Variants in ZNF536 observed in about 807,000 individuals in gnomAD.
ZNF536 encodes zinc finger protein 536.
ZNF536 carries 13 observed loss-of-function variants against 84.5 expected under a neutral mutation model. The observed-to-expected ratio is 0.15, with a 90% CI of 0.10 to 0.24. The LOEUF is 0.24. Ranked by LOEUF, ZNF536 falls within the 10% of genes least tolerant of loss-of-function variation. The pLI, the probability that ZNF536 is intolerant of heterozygous loss-of-function variation, is 1.00. For synonymous variants in ZNF536, 811 were observed against 742.5 expected (o/e 1.09, Z -1.50); for missense variants, 1,536 against 1,747.5 (o/e 0.88, Z 2.16).
rs1041427037 is a variant in ZNF536, at chr19:30,575,489, G to A, written c.169+25975G>A. Among the ~76,000 whole-genome samples, 3 of 152,246 alleles carry A rather than the reference G, an allele frequency of 2.0e-5. No homozygotes were observed. In the East Asian group the frequency reaches 5.8e-4, roughly 29 times the overall value. Reference sequence around the variant, plus strand: ...CAGCAAGAGGAGCGAGACTGAGGGAGTAGCGACATCTGTCTTGCTCAGTCA... The same window carrying A: ...CAGCAAGAGGAGCGAGACTGAGGGAATAGCGACATCTGTCTTGCTCAGTCA... On this transcript the variant is annotated intron_variant, in intron 1 of 1. Coordinates refer to the ZNF536 transcript ENST00000592773.
chr19:30,391,334 T>C (rs1430382998), intron 1 of ZNF536, among the ~76,000 whole-genome samples: 2 of 152,196 alleles, frequency 1.3e-5, no homozygotes, highest in Non-Finnish European at 2.9e-5. Flanking sequence ...CCCAGCACTT[T>C]GGGAGGCCGA....
chr19:30,329,775 A>T (rs1026084444), intron 2 of ZNF536, among the ~76,000 whole-genome samples: 1 of 152,106 alleles, frequency 6.6e-6, no homozygotes, highest in Admixed American at 6.5e-5. Flanking sequence ...TAAAATGGAG[A>T]TTTATTACTC....
At chr19:30,482,477 C>T (rs1349430673) in intron 2 of ZNF536, among the ~76,000 whole-genome samples, 2 of 152,154 alleles carry the variant, frequency 1.3e-5, no homozygotes, top group Non-Finnish European at 2.9e-5. Flanking sequence ...CCCCAACCTA[C>T]CTAGCCTCAC....
chr19:30,657,517 C>T (rs551102285), intron 1 of ZNF536, among the ~76,000 whole-genome samples: 5 of 152,348 alleles, frequency 3.3e-5, no homozygotes, highest in South Asian at 4.1e-4. Context: ...ATCTTTCCTA[C>T]TGACCCTCTC....
chr19:30,484,182 C>A (rs2054201028), intron 2 of ZNF536, among the ~76,000 whole-genome samples: 1 of 151,664 alleles, frequency 6.6e-6, no homozygotes, highest in Non-Finnish European at 1.5e-5. Flanking sequence ...ATGTATGTCC[C>A]AGAAATTCAA....
At chr19:30,616,880 C>A (rs779493861) in intron 1 of ZNF536, among the ~76,000 whole-genome samples, 1 of 152,070 alleles carries the variant, frequency 6.6e-6, no homozygotes, top group African/African-American at 2.4e-5. Context: ...TGGTCAATTT[C>A]GGTAACTACC....
At chr19:30,558,842 G>T (rs1599801518), downstream of ZNF536, among the ~76,000 whole-genome samples, 1 of 151,992 alleles carries the variant, frequency 6.6e-6, no homozygotes, top group African/African-American at 2.4e-5. Flanking sequence ...GGGGACTGGG[G>T]GTAGGACACA....
intron 2 of ZNF536, among the ~76,000 whole-genome samples, chr19:30,502,693 C>G (rs1310463719): frequency 6.6e-6 from 1 of 152,108 alleles, no homozygotes; most frequent in Non-Finnish European, 1.5e-5. Flanking sequence ...GCCTCTATTG[C>G]CCCTCCAGCA....
chr19:30,688,176 G>T (rs1016777836), intron 1 of ZNF536, among the ~76,000 whole-genome samples: 7 of 152,150 alleles, frequency 4.6e-5, no homozygotes, highest in African/African-American at 1.7e-4. Context: ...GCTGTGCAGG[G>T]GGCCTCACAA....
At chr19:30,356,381 G>A (rs1404564805) in intron 3 of ZNF536, among the ~76,000 whole-genome samples, 1 of 152,206 alleles carries the variant, frequency 6.6e-6, no homozygotes, top group Non-Finnish European at 1.5e-5. Context: ...GCGGTGGGCT[G>A]GGCTGTCCCG....
Position 30,380,481 on chromosome 19 carries a change from A to G in ZNF536, c.-3+7925A>G, listed in dbSNP as rs1237674271. ...CCTGAGACACTGTGAGGCCACGTGA[A>G]TCTGAGTTATCAGTGGCCAAAAAAG... On this transcript the variant is annotated intron_variant, in intron 1 of 4. Transcript: ENST00000355537. 2.0e-5 allele frequency among the ~76,000 whole-genome samples: 3 copies of G among 152,228 alleles called. No homozygotes were observed. The East Asian group carries it at 5.8e-4, about 29-fold the overall frequency.
chr19:30,419,919 G>C (rs557942827), intron 1 of ZNF536, among the ~76,000 whole-genome samples: 1 of 152,226 alleles, frequency 6.6e-6, no homozygotes, highest in Non-Finnish European at 1.5e-5. Context: ...CAAAGCAGGA[G>C]GGGACAGAGT....
At chr19:30,279,203 A>G (rs2045348470) in intron 1 of ZNF536, among the ~76,000 whole-genome samples, 1 of 152,086 alleles carries the variant, frequency 6.6e-6, no homozygotes, top group South Asian at 2.1e-4. Context: ...CAGCTTTATT[A>G]TCTTCTTAGA....
At chr19:30,525,973 C>T (rs2044557549) in intron 2 of ZNF536, among the ~76,000 whole-genome samples, 1 of 152,184 alleles carries the variant, frequency 6.6e-6, no homozygotes, top group Non-Finnish European at 1.5e-5. Flanking sequence ...TGCCCCCAAC[C>T]AGAGGCTGTT....
At chr19:30,287,578 A>T (rs2045681275) in intron 2 of ZNF536, among the ~76,000 whole-genome samples, 1 of 135,266 alleles carries the variant, frequency 7.4e-6, no homozygotes, top group South Asian at 2.6e-4. Context: ...ATATGGATGG[A>T]TGGATGGATG....
intron 1 of ZNF536, among the ~76,000 whole-genome samples, chr19:30,639,263 A>T (rs747927363): frequency 3.3e-5 from 5 of 152,254 alleles, no homozygotes; most frequent in African/African-American, 7.2e-5. Flanking sequence ...TAGTAGCAAC[A>T]TTAAATAAGC....
intron 1 of ZNF536, among the ~76,000 whole-genome samples, chr19:30,617,318 T>C (rs972224904): frequency 6.0e-5 from 8 of 133,048 alleles, no homozygotes; most frequent in Admixed American, 1.6e-4. Flanking sequence ...GAGTCCACCA[T>C]ATCTGAATAG....
downstream of ZNF536, among the ~76,000 whole-genome samples, chr19:30,561,553 C>A (rs1255531058): frequency 6.6e-6 from 1 of 152,106 alleles, no homozygotes; most frequent in Non-Finnish European, 1.5e-5. Flanking sequence ...AGTGAGGGAG[C>A]AGGGAAGGGA....
intron 1 of ZNF536, among the ~76,000 whole-genome samples, chr19:30,635,202 G>C (rs1029058077): frequency 6.6e-6 from 1 of 152,134 alleles, no homozygotes; most frequent in Non-Finnish European, 1.5e-5. Flanking sequence ...ATTCTCTGAA[G>C]GATTCCCATC....
Sources: gnomAD v4.1 joint callset for allele counts (sites outside exome capture counted in the v4.1 genomes callset) on GRCh38, gnomAD v4.1.1 for gene constraint, MANE v1.5 for transcripts, NCBI Gene and HGNC (gene_info 2026-07-23, HGNC 2026-07-21) for gene names.